The following COX7B2 variants were observed in gnomAD, a reference collection of about 807,000 sequenced individuals.
The protein encoded by COX7B2 is cytochrome c oxidase subunit 7B2, also known as cytochrome c oxidase subunit 7B2, mitochondrial.
For synonymous variants in COX7B2, 37 were observed against 32.1 expected, an observed-to-expected ratio of 1.15 and a Z score of -0.51; for missense variants, 109 against 95.9, an observed-to-expected ratio of 1.14 and a Z score of -0.57.
chr4:46,751,462 T>A (rs1274917435), intron 2 of COX7B2, among the ~76,000 whole-genome samples: 2 of 152,134 alleles, frequency 1.3e-5, no homozygotes, highest in African/African-American at 2.4e-5. Flanking sequence ...TCATGTTCAG[T>A]TTAGAGCAAA....
intron 2 of COX7B2, among the ~76,000 whole-genome samples, chr4:46,776,239 T>G (rs2109534889): frequency 6.6e-6 from 1 of 152,230 alleles, no homozygotes; most frequent in Non-Finnish European, 1.5e-5. Flanking sequence ...TAAAGGAATA[T>G]GCATACAGTA....
At chr4:46,860,539 G>T (rs992805799) in intron 1 of COX7B2, among the ~76,000 whole-genome samples, 1 of 152,126 alleles carries the variant, frequency 6.6e-6, no homozygotes, top group African/African-American at 2.4e-5. Context: ...ATGGGTAAAT[G>T]TTCCCTCTGC....
intron 1 of COX7B2, among the ~76,000 whole-genome samples, chr4:46,871,715 AC>A (rs1212150626): frequency 5.3e-5 from 8 of 152,072 alleles, no homozygotes; most frequent in Non-Finnish European, 7.4e-5. Context: ...ATGTGGCCAA[AC>A]AACCATATGA....
chr4:46,815,324 C>T (rs2109674959), intron 2 of COX7B2, among the ~76,000 whole-genome samples: 1 of 152,176 alleles, frequency 6.6e-6, no homozygotes, highest in South Asian at 2.1e-4. Context: ...TAAGTATGAA[C>T]AAAACTATAG....
At chr4:46,770,413 C>A (rs187103451) in intron 2 of COX7B2, among the ~76,000 whole-genome samples, 1 of 152,096 alleles carries the variant, frequency 6.6e-6, no homozygotes, top group Non-Finnish European at 1.5e-5. Context: ...AATGTCCATA[C>A]TACCCAAATA....
intron 2 of COX7B2, among the ~76,000 whole-genome samples, chr4:46,781,684 G>A (rs983522463): frequency 3.3e-5 from 5 of 152,302 alleles, no homozygotes; most frequent in Middle Eastern, 3.4e-3. Flanking sequence ...TGGAAGGAGA[G>A]GGAATGGTGG....
At chr4:46,797,740 T>C (rs951935184) in intron 2 of COX7B2, among the ~76,000 whole-genome samples, 2 of 152,218 alleles carry the variant, frequency 1.3e-5, no homozygotes, top group African/African-American at 4.8e-5. Context: ...TCTTGAAGAA[T>C]GACTGTGGAT....
intron 1 of COX7B2, among the ~76,000 whole-genome samples, chr4:46,881,533 T>A (rs931389394): frequency 6.6e-6 from 1 of 152,050 alleles, no homozygotes; most frequent in East Asian, 1.9e-4. Flanking sequence ...GAGGCCGACG[T>A]GGGTGGATCA....
chr4:46,898,924 C>T (rs1029017387), intron 1 of COX7B2, among the ~76,000 whole-genome samples: 8 of 152,074 alleles, frequency 5.3e-5, no homozygotes, highest in African/African-American at 1.7e-4. Flanking sequence ...ACACAGTGTA[C>T]CATAAACCTA....
At chr4:46,756,897 A>G (rs555825214) in intron 2 of COX7B2, among the ~76,000 whole-genome samples, 2 of 152,210 alleles carry the variant, frequency 1.3e-5, no homozygotes, top group African/African-American at 4.8e-5. Flanking sequence ...ATGAACTAAA[A>G]ATAGAACTAC....
At chr4:46,840,944 C>T (rs112175963) in intron 2 of COX7B2, among the ~76,000 whole-genome samples, 2,210 of 152,078 alleles carry the variant, frequency 0.015, 24 homozygotes, top group Middle Eastern at 0.027. Flanking sequence ...GTACAGAAGG[C>T]TGTCACTGAC....
intron 2 of COX7B2, among the ~76,000 whole-genome samples, chr4:46,837,576 G>C (rs1004982035): frequency 2.0e-5 from 3 of 151,992 alleles, no homozygotes; most frequent in Admixed American, 6.6e-5. Flanking sequence ...ATTAAAAAAT[G>C]TTGGAAATGG....
intron 1 of COX7B2, among the ~76,000 whole-genome samples, chr4:46,907,487 G>T (rs1720462274): frequency 6.6e-6 from 1 of 152,084 alleles, no homozygotes; most frequent in Non-Finnish European, 1.5e-5. Flanking sequence ...CTCAGTCACT[G>T]TTTTTGCAAT....
intron 2 of COX7B2, among the ~76,000 whole-genome samples, chr4:46,758,400 A>G (rs1715928189): frequency 1.3e-5 from 2 of 152,134 alleles, no homozygotes; most frequent in African/African-American, 4.8e-5. Context: ...GAGTTAGATG[A>G]TAGTCAATTC....
chr4:46,804,291 G>A (rs185058724), intron 2 of COX7B2, among the ~76,000 whole-genome samples: 1 of 152,190 alleles, frequency 6.6e-6, no homozygotes, highest in African/African-American at 2.4e-5. Context: ...AAAGAACGAA[G>A]CTTCCACGGT....
intron 2 of COX7B2, among the ~76,000 whole-genome samples, chr4:46,841,335 C>CTGTGTGTGTGTGTGTG (rs145768502): frequency 5.7e-4 from 80 of 139,880 alleles, no homozygotes; most frequent in East Asian, 3.9e-3. Context: ...CAAATGTGCT[C>CTGTGTGTGTGTGTGTG]TGTGTGTGTG....
intron 2 of COX7B2, among the ~76,000 whole-genome samples, chr4:46,747,057 G>A (rs1312501747): frequency 6.6e-6 from 1 of 152,058 alleles, no homozygotes; most frequent in Non-Finnish European, 1.5e-5. Context: ...AAACAGACCA[G>A]GAAAAGCCTT....
At chr4:46,750,399 A>G (rs1219958171) in intron 2 of COX7B2, among the ~76,000 whole-genome samples, 3 of 152,152 alleles carry the variant, frequency 2.0e-5, no homozygotes, top group Non-Finnish European at 4.4e-5. Context: ...TCTCAAAACA[A>G]AAACAAAAAC....
chr4:46,772,845 A>T (rs187348366), intron 2 of COX7B2, among the ~76,000 whole-genome samples: 6 of 152,168 alleles, frequency 3.9e-5, no homozygotes, highest in African/African-American at 9.7e-5. Flanking sequence ...TAGTAAAGCT[A>T]CCTATTTCCG....
Sources: gnomAD v4.1 joint callset for allele counts (sites outside exome capture counted in the v4.1 genomes callset) on GRCh38, gnomAD v4.1.1 for gene constraint, MANE v1.5 for transcripts, NCBI Gene and HGNC (gene_info 2026-07-23, HGNC 2026-07-21) for gene names.